Variants in PTPRU observed in about 807,000 individuals in gnomAD.
PTPRU encodes receptor-type tyrosine-protein phosphatase U.
Under a neutral mutation model 166.3 loss-of-function variants are expected in PTPRU, and 69 were observed. The observed-to-expected ratio is 0.41, with a 90% CI of 0.34 to 0.51. The LOEUF (loss-of-function observed/expected upper bound fraction) is 0.51. PTPRU is among the 20% of genes least tolerant of loss of function. The pLI, the probability that PTPRU is intolerant of heterozygous loss-of-function variation, is 0.09. For missense variants in PTPRU, 1,657 were observed against 2,013.7 expected, an observed-to-expected ratio of 0.82 and a Z score of 3.39; for synonymous variants, 793 against 814.0, an observed-to-expected ratio of 0.97 and a Z score of 0.44.
chr1:29,279,608 C>A lies in PTPRU; in HGVS notation c.1716C>A (p.Gly572=), dbSNP rs117122029. ...TYLFSVRART[G]KGFGQAALTE... ...TGTTCTCCGTGCGGGCCCGCACAGG[C>A]AAAGGCTTCGGCCAGGCGGCACTCA... The change falls in exon 10 of 30, where the codon GGC becomes GGA. Residue 572 remains glycine, a synonymous_variant. Transcript: ENST00000373779. The surrounding 1 kb of genome is among the most constrained non-coding windows in gnomAD (Gnocchi z 5.2). The A allele has an allele frequency of 1.8e-3, 2,928 of 1,613,926 alleles. 65 individuals are homozygous for A. In the Admixed American group the frequency reaches 0.034, roughly 19 times the overall value.
In PTPRU at chr1:29,236,612, C is replaced by T; in HGVS notation, c.-33C>T. 2 of 1,221,274 alleles carry T rather than the reference C, an allele frequency of 1.6e-6. No individual in the cohort carries two copies. The highest frequency in any genetic ancestry group is 2.0e-6 in the Non-Finnish European group (2 of 981,426). 75.7% of individuals were successfully genotyped at this position (1,221,274 alleles called of 1,614,324 possible). On this transcript the variant is annotated 5_prime_UTR_variant, in exon 1 of 30. Coordinates refer to ENST00000373779, the MANE Select transcript of PTPRU (RefSeq NM_133178.4). This position sits in a 1 kb window ranked among gnomAD's most constrained non-coding sequence, Gnocchi z 4.6. ...GGCTCCGGGGGCGGCGTCCCCCGCG[C>T]CGGGCCCCGGGACGGGCGGCGACGC...
At position 29,260,230 on chromosome 1, in the gene PTPRU, G is replaced by T; in HGVS notation, c.850+186G>T. The T allele has an allele frequency of 2.9e-6, 2 of 682,226 alleles. No homozygotes were observed. Among genetic ancestry groups the T allele is most frequent in the Non-Finnish European group, 4.4e-6 (2 of 458,136 alleles). The allele number at this position is 682,226 out of a possible 1,614,324, so 42.3% of individuals were successfully genotyped here. On this transcript the variant is annotated intron_variant, in intron 6 of 29. Coordinates refer to ENST00000373779, the MANE Select transcript of PTPRU (RefSeq NM_133178.4). The surrounding 1 kb of genome is among the most constrained non-coding windows in gnomAD (Gnocchi z 8.3). ...CAGCCGGGATGAGATCTGATCTAGGGGTCGGGGCTGGCTTCGAGGGGGACG... is the reference window on the plus strand; with the variant it reads ...CAGCCGGGATGAGATCTGATCTAGGTGTCGGGGCTGGCTTCGAGGGGGACG...
In PTPRU at chr1:29,275,585, G is replaced by T; in HGVS notation, c.1282G>T (p.Gly428Cys). The T allele has an allele frequency of 6.2e-7, 1 of 1,614,110 alleles. No homozygotes were observed. ...GTCGCTGTGCTATCACTACACCCTGGGCAGCAGCCACAACCAGACCATCCG... is the reference window on the plus strand; with the variant it reads ...GTCGCTGTGCTATCACTACACCCTGTGCAGCAGCCACAACCAGACCATCCG... ...TVSLCYHYTL[G>C]SSHNQTIREC... is the part of the protein sequence containing the mutation. Residue 428 changes from glycine to cysteine, a missense_variant, in exon 8 of 30, where the codon GGC (glycine) becomes TGC (cysteine). Physicochemically the swap from Gly to Cys is radical, Grantham distance 159. Around this residue, in one of 3 missense-constraint regions of PTPRU, gnomAD observed 1,190 missense variants for 1,477.4 expected, o/e 0.81. Coordinates refer to ENST00000373779, the MANE Select transcript of PTPRU (RefSeq NM_133178.4).
intron 7 of PTPRU, among the ~76,000 whole-genome samples, chr1:29,273,774 A>C (rs139083243): frequency 1.3e-5 from 2 of 152,100 alleles, no homozygotes; most frequent in African/African-American, 4.8e-5. Context: ...AAAACATAAC[A>C]TGCACCTCCC....
In PTPRU at chr1:29,282,910, C is replaced by G; in HGVS notation, c.2103C>G (p.Ala701=). The G allele has an allele frequency of 1.2e-6, 2 of 1,614,016 alleles. No homozygotes were observed. The highest frequency in any genetic ancestry group is 2.2e-5 in the South Asian group (2 of 91,080). The change falls in exon 12 of 30, where the codon GCC becomes GCG. Residue 701 remains alanine, a synonymous_variant. Transcript: ENST00000373779. ...ACCCACCACTTGAGCCTAGGAAGGC[C>G]TATCTCATCTACTTCCAGGCAGCAA... ...FWNPPLEPRK[A]YLIYFQAASH...
chr1:29,238,726 TCCCTCTCCCACCGTGAAATCAAA>T lies in PTPRU; in HGVS notation c.73+2013_73+2035del, dbSNP rs1378299113. 6.6e-6 allele frequency among the ~76,000 whole-genome samples: 1 copy of T among 151,484 alleles called. No homozygotes were observed. On this transcript the variant is annotated intron_variant, in intron 1 of 29. Transcript: ENST00000373779. The surrounding 1 kb of genome is among the most constrained non-coding windows in gnomAD (Gnocchi z 6.1). ...CCCCATGTCCTGCGGCAACTTTGCC[TCCCTCTCCCACCGTGAAATCAAA>T]CCCGCGGGGTTCTGTATGCGCCCCA... is the stretch of plus-strand genomic sequence containing the variant.
intron 19 of PTPRU, 127 bp downstream of exon 19, chr1:29,310,907 T>C (rs571919180): frequency 1.8e-5 from 21 of 1,198,134 alleles, no homozygotes; most frequent in Non-Finnish European, 2.4e-5. Context: ...ACCGTCGCCA[T>C]ATTCTGGCTC....
Position 29,320,893 on chromosome 1 carries a change from G to A in PTPRU, c.3828+68G>A. 2 of 1,421,218 alleles carry A rather than the reference G, an allele frequency of 1.4e-6. No homozygotes were observed. The highest frequency in any genetic ancestry group is 1.9e-6 in the Non-Finnish European group (2 of 1,074,014). The allele number at this position is 1,421,218 out of a possible 1,614,324, so 88.0% of individuals were successfully genotyped here. ...GGTCCTCTGTGTATTCAGGGCCATGGTCCCCAAAGCCAAAAGTTGGGTCCC... is the reference window on the plus strand; with the variant it reads ...GGTCCTCTGTGTATTCAGGGCCATGATCCCCAAAGCCAAAAGTTGGGTCCC... On this transcript the variant is annotated intron_variant, in intron 26 of 29. Coordinates refer to ENST00000373779, the MANE Select transcript of PTPRU (RefSeq NM_133178.4). This position sits in a 1 kb window ranked among gnomAD's most constrained non-coding sequence, Gnocchi z 5.2.
In PTPRU at chr1:29,291,939, G is replaced by A; in HGVS notation, c.2389G>A (p.Asp797Asn). 6.2e-7 allele frequency: 1 copy of A among 1,614,182 alleles called. No homozygotes were observed. Residue 797 changes from aspartate (D) to asparagine (N), a missense_variant, in exon 15 of 30, where the codon GAC becomes AAC. Asp to Asn is a conservative substitution (Grantham distance 23). Around this residue, in one of 3 missense-constraint regions of PTPRU, gnomAD observed 1,190 missense variants for 1,477.4 expected, o/e 0.81. Coordinates refer to ENST00000373779, the MANE Select transcript of PTPRU (RefSeq NM_133178.4). The surrounding 1 kb of genome is among the most constrained non-coding windows in gnomAD (Gnocchi z 4.1). Reference protein sequence around the residue: ...QEKTHMMSAVDRSFTDQSTLQ... With the variant: ...QEKTHMMSAVNRSFTDQSTLQ... ...GAAGACACACATGATGAGCGCCGTG[G>A]ACCGCAGCTTCACAGACCAGAGCAC...
intron 18 of PTPRU, among the ~76,000 whole-genome samples, chr1:29,306,445 C>T (rs1687393557): frequency 6.6e-6 from 1 of 152,212 alleles, no homozygotes; most frequent in Non-Finnish European, 1.5e-5. Context: ...TTGAACATAT[C>T]TATTTGAGTG....
In PTPRU at chr1:29,257,379, C is replaced by T. The variant is rs550049520; in HGVS notation, c.206-1126C>T. Among the ~76,000 whole-genome samples, 7 of 152,224 alleles carry T rather than the reference C, an allele frequency of 4.6e-5. No individual in the cohort carries two copies. Among genetic ancestry groups the T allele is most frequent in the Admixed American group, 2.6e-4 (4 of 15,300 alleles). Reference sequence around the variant, plus strand: ...TCTAGCTTACAGAGATGAATGAGATCGCCTCCAGCAGAGTCCCTGGGGAGC... The same window carrying T: ...TCTAGCTTACAGAGATGAATGAGATTGCCTCCAGCAGAGTCCCTGGGGAGC... On this transcript the variant is annotated intron_variant, in intron 2 of 29. Coordinates refer to ENST00000373779, the MANE Select transcript of PTPRU (RefSeq NM_133178.4). The surrounding 1 kb of genome is among the most constrained non-coding windows in gnomAD (Gnocchi z 4.6).
At position 29,236,697 on chromosome 1, in the gene PTPRU, C is replaced by A; in HGVS notation, c.53C>A (p.Pro18Gln). 6.8e-7 allele frequency: 1 copy of A among 1,466,712 alleles called. No individual in the cohort carries two copies. The highest frequency in any genetic ancestry group is 9.0e-7 in the Non-Finnish European group (1 of 1,111,156). The allele number at this position is 1,466,712 out of a possible 1,614,324, so 90.9% of individuals were successfully genotyped here. Residue 18 changes from proline (P) to glutamine (Q), a missense_variant, in exon 1 of 30, where the codon CCG becomes CAG. Physicochemically the swap from Pro to Gln is moderately conservative, Grantham distance 76. Coordinates refer to ENST00000373779, the MANE Select transcript of PTPRU (RefSeq NM_133178.4). The surrounding 1 kb of genome is among the most constrained non-coding windows in gnomAD (Gnocchi z 4.6). ...VLALTFQLCA[P>Q]ETETPAAGCT... ...GCACTCACCTTCCAGCTCTGCGCGC[C>A]GGAGACCGAGACTCCGGCAGGTAAG...
At chr1:29,259,612 G>A in intron 5 of PTPRU, 48 bp downstream of exon 5, 2 of 1,468,426 alleles carry the variant, frequency 1.4e-6, no homozygotes, top group Non-Finnish European at 1.8e-6. Context: ...GGAGGGGGTT[G>A]GTGGCTGCTT....
chr1:29,260,428 A>G lies in PTPRU; in HGVS notation c.851-182A>G, dbSNP rs566530037. Among the ~76,000 whole-genome samples the G allele has an allele frequency of 2.3e-4, 35 of 152,088 alleles. No individual in the cohort carries two copies. Among genetic ancestry groups the G allele is most frequent in the African/African-American group, 7.7e-4 (32 of 41,496 alleles). On this transcript the variant is annotated intron_variant, in intron 6 of 29. Transcript: ENST00000373779. This position sits in a 1 kb window ranked among gnomAD's most constrained non-coding sequence, Gnocchi z 8.3. ...GAGGGCGGGGTCAGCCTTTGGAGCCAGGTGCCCCTTAGGGCCCGGGATTTA... is the reference window on the plus strand; with the variant it reads ...GAGGGCGGGGTCAGCCTTTGGAGCCGGGTGCCCCTTAGGGCCCGGGATTTA...
chr1:29,249,596 C>T (rs564379233), intron 1 of PTPRU, among the ~76,000 whole-genome samples: 30 of 152,302 alleles, frequency 2.0e-4, no homozygotes, highest in African/African-American at 5.5e-4. Context: ...GAACACTGAG[C>T]GCGGGGCTCA....
intron 26 of PTPRU, 198 bp from the exon 27 acceptor site, chr1:29,323,173 T>G: frequency 3.1e-6 from 2 of 638,036 alleles, no homozygotes; most frequent in Non-Finnish European, 5.3e-6. Flanking sequence ...GCAGAACGCA[T>G]TGGGGCAGGT....
rs1218684308 is a variant in PTPRU, at chr1:29,291,775, T to A, written c.2319-94T>A. ...CTAGGACAGCTGCTGGCTCCTGGCC[T>A]TGAGGTCCCCTTACTCCAGGGCCTC... On this transcript the variant is annotated intron_variant, in intron 14 of 29. Transcript: ENST00000373779. This position sits in a 1 kb window ranked among gnomAD's most constrained non-coding sequence, Gnocchi z 4.1. 13 of 1,365,634 alleles carry A rather than the reference T, an allele frequency of 9.5e-6. No individual in the cohort carries two copies. The highest frequency in any genetic ancestry group is 1.1e-5 in the Non-Finnish European group (11 of 992,314). The allele number at this position is 1,365,634 out of a possible 1,614,324, so 84.6% of individuals were successfully genotyped here. A position where few individuals can be genotyped will look rare whatever the true frequency, so the allele number is the denominator to read the frequency against.
At position 29,323,769 on chromosome 1, in the gene PTPRU, C is replaced by T. The variant is rs760151569; in HGVS notation, c.4093C>T (p.Arg1365Cys). The change falls in exon 28 of 30, where the codon CGC (arginine) becomes TGC (cysteine). Residue 1365 changes from arginine (R) to cysteine (C), a missense_variant. Arg to Cys is a radical substitution (Grantham distance 180). This residue lies in a region of PTPRU where 1,190 missense variants were observed against 1,477.4 expected (regional missense o/e 0.81). Coordinates refer to ENST00000373779, the MANE Select transcript of PTPRU (RefSeq NM_133178.4). ...DKWQAESGDG[R>C]TIVHCLNGGG... The stretch of plus-strand genomic sequence containing the variant: ...GTGGCAGGCCGAGAGTGGGGATGGG[C>T]GCACCATCGTGCACTGCCTGTGAGT... The T allele has an allele frequency of 5.0e-6, 8 of 1,613,922 alleles. No homozygotes were observed. Among genetic ancestry groups the T allele is most frequent in the Middle Eastern group, 1.6e-4 (1 of 6,082 alleles).
intron 1 of PTPRU, among the ~76,000 whole-genome samples, chr1:29,247,033 C>T (rs1157891534): frequency 2.0e-5 from 3 of 152,190 alleles, no homozygotes; most frequent in Middle Eastern, 3.2e-3. Context: ...GCTGGGTTGC[C>T]GCACCCTGCA....
Sources: allele counts gnomAD v4.1 joint callset (sites outside exome capture counted in the v4.1 genomes callset), GRCh38; gene constraint gnomAD v4.1.1; regional missense constraint gnomAD v4.1.1; non-coding constraint Gnocchi (gnomAD v3.1); transcripts MANE v1.5; gene names NCBI Gene and HGNC (gene_info 2026-07-23, HGNC 2026-07-21).